Variants in FHIT observed in about 807,000 individuals in gnomAD.
FHIT encodes fragile histidine triad diadenosine triphosphatase.
A neutral mutation model predicts 17.9 loss-of-function variants in FHIT; 19 were observed. The ratio of observed to expected loss-of-function variants is 1.06; its 90% CI spans 0.74 to 1.56. The LOEUF (loss-of-function observed/expected upper bound fraction) is 1.56, where lower values mean the gene tolerates loss of function less well. FHIT is among the 40% of genes most tolerant of loss of function. The pLI, the probability that FHIT is intolerant of heterozygous loss-of-function variation, is 0.00. For synonymous variants in FHIT, 81 were observed against 69.7 expected (o/e 1.16, Z -0.81); for missense variants, 248 against 189.2 (o/e 1.31, Z -1.82).
intron 7 of FHIT, among the ~76,000 whole-genome samples, chr3:59,972,443 G>A (rs942112667): frequency 1.3e-5 from 2 of 152,098 alleles, no homozygotes; most frequent in Non-Finnish European, 2.9e-5. Flanking sequence ...GGCGCTCACT[G>A]TAGTATCATA....
intron 5 of FHIT, among the ~76,000 whole-genome samples, chr3:60,299,099 A>T (rs1271021396): frequency 6.6e-6 from 1 of 152,144 alleles, no homozygotes; most frequent in Admixed American, 6.6e-5. Flanking sequence ...CAACAGCACC[A>T]AATTGGGCTG....
chr3:60,801,368 C>G (rs946311202), intron 4 of FHIT, among the ~76,000 whole-genome samples: 1 of 152,178 alleles, frequency 6.6e-6, no homozygotes, highest in Non-Finnish European at 1.5e-5. Flanking sequence ...GTTTCCACAG[C>G]GACAGCCCTA....
At chr3:59,800,014 T>A (rs534184721) in intron 8 of FHIT, among the ~76,000 whole-genome samples, 2 of 152,200 alleles carry the variant, frequency 1.3e-5, no homozygotes, top group South Asian at 4.2e-4. Flanking sequence ...GCAGCAGAGG[T>A]TCATATCAAG....
intron 3 of FHIT, among the ~76,000 whole-genome samples, chr3:60,959,857 G>A (rs995509707): frequency 6.6e-6 from 1 of 150,910 alleles, no homozygotes; most frequent in Non-Finnish European, 1.5e-5. Flanking sequence ...GTGAGCCTGA[G>A]GGCAATTTTC....
chr3:60,838,305 C>A (rs1553744247), intron 3 of FHIT, among the ~76,000 whole-genome samples: 1 of 152,060 alleles, frequency 6.6e-6, no homozygotes, highest in Admixed American at 6.6e-5. Flanking sequence ...AAACCCGTCT[C>A]TACTAAAATA....
intron 3 of FHIT, among the ~76,000 whole-genome samples, chr3:61,032,558 G>C (rs1333952107): frequency 1.3e-5 from 2 of 152,128 alleles, no homozygotes; most frequent in African/African-American, 4.8e-5. Flanking sequence ...AAACCAGAAG[G>C]AGCAGGGAAA....
At chr3:59,771,630 G>C (rs1702078539) in intron 8 of FHIT, among the ~76,000 whole-genome samples, 1 of 152,168 alleles carries the variant, frequency 6.6e-6, no homozygotes, top group Admixed American at 6.6e-5. Flanking sequence ...CAAATCACTG[G>C]AAATGCTGAC....
intron 4 of FHIT, among the ~76,000 whole-genome samples, chr3:60,675,168 T>C (rs1553694935): frequency 1.3e-5 from 2 of 152,248 alleles, no homozygotes; most frequent in East Asian, 1.9e-4. Flanking sequence ...GCATACATTT[T>C]ATCTAATTTT....
chr3:60,382,367 C>T (rs1443915201), intron 5 of FHIT, among the ~76,000 whole-genome samples: 1 of 152,192 alleles, frequency 6.6e-6, no homozygotes, highest in Admixed American at 6.5e-5. Flanking sequence ...TGTCTTTCCA[C>T]GTGCCATTTC....
intron 5 of FHIT, among the ~76,000 whole-genome samples, chr3:60,225,672 A>T (rs1704164580): frequency 6.6e-6 from 1 of 152,186 alleles, no homozygotes; most frequent in African/African-American, 2.4e-5. Context: ...GTTCTGTTAA[A>T]TACCAGAGCA....
intron 2 of FHIT, among the ~76,000 whole-genome samples, chr3:61,047,568 A>G (rs969062696): frequency 6.6e-6 from 1 of 152,316 alleles, no homozygotes; most frequent in African/African-American, 2.4e-5. Context: ...AAGGTAATTT[A>G]TAGATTCAAT....
intron 4 of FHIT, among the ~76,000 whole-genome samples, chr3:60,745,023 G>A (rs560036731): frequency 1.3e-5 from 2 of 152,238 alleles, no homozygotes; most frequent in Admixed American, 6.5e-5. Context: ...AGAGGCGGGA[G>A]GATAGCATGA....
At chr3:60,880,232 A>G (rs1704894712) in intron 3 of FHIT, among the ~76,000 whole-genome samples, 2 of 152,244 alleles carry the variant, frequency 1.3e-5, no homozygotes, top group African/African-American at 4.8e-5. Context: ...CATTCAAAGT[A>G]CTGAAGGAAA....
chr3:61,051,869 T>C (rs1266285827), intron 2 of FHIT, among the ~76,000 whole-genome samples: 1 of 152,198 alleles, frequency 6.6e-6, no homozygotes, highest in Non-Finnish European at 1.5e-5. Context: ...CTGCATCTAA[T>C]GATGAGTAAG....
chr3:61,189,570 T>C (rs1055658733), intron 2 of FHIT, among the ~76,000 whole-genome samples: 10 of 152,212 alleles, frequency 6.6e-5, no homozygotes, highest in African/African-American at 1.9e-4. Context: ...CTTCACAGAA[T>C]TGGAATAAAC....
chr3:59,906,494 TAA>T (rs1465366158), intron 8 of FHIT, among the ~76,000 whole-genome samples: 7 of 152,152 alleles, frequency 4.6e-5, no homozygotes, highest in African/African-American at 1.7e-4. Context: ...CCCTAAAAAT[TAA>T]AAACATTGAA....
chr3:60,574,606 T>C (rs2037504304), intron 4 of FHIT, among the ~76,000 whole-genome samples: 2 of 152,050 alleles, frequency 1.3e-5, no homozygotes, highest in Admixed American at 1.3e-4. Context: ...TGGCTGCAAC[T>C]TCAGGATTGT....
rs371765084 is a variant in FHIT at position 60,685,567 on chromosome 3, C to T, written c.-18+136352G>A. ...AAATGGTGACATCTCCACCCCGTGA[C>T]ATATGGGCCAGTAAGGGCTTGCAAA... is the stretch of plus-strand genomic sequence containing the variant. On this transcript the variant is annotated intron_variant, in intron 4 of 9. Coordinates refer to ENST00000492590, the MANE Select transcript of FHIT (RefSeq NM_002012.4). Among the ~76,000 whole-genome samples, 66 of 152,276 alleles carry T rather than the reference C, an allele frequency of 4.3e-4. 1 individual carries two copies. Among genetic ancestry groups the T allele is most frequent in the African/African-American group, 1.5e-3 (63 of 41,558 alleles).
At chr3:60,255,744 C>T (rs1327381070) in intron 5 of FHIT, among the ~76,000 whole-genome samples, 5 of 152,074 alleles carry the variant, frequency 3.3e-5, no homozygotes, top group Admixed American at 6.6e-5. Flanking sequence ...AGTCTGCAGC[C>T]TTAGATGGAT....
Sources: allele counts gnomAD v4.1 joint callset (sites outside exome capture counted in the v4.1 genomes callset), GRCh38; gene constraint gnomAD v4.1.1; transcripts MANE v1.5; gene names NCBI Gene and HGNC (gene_info 2026-07-23, HGNC 2026-07-21).